ERO1B: variants seen among roughly 807,000 people sequenced by gnomAD.
ERO1B encodes ERO1-like protein beta.
In ERO1B, 49 loss-of-function variants were observed where a neutral mutation model predicts 75.3. The observed-to-expected ratio is 0.65, with a 90% CI of 0.52 to 0.83. The LOEUF is 0.83. Among genes scored for constraint, ERO1B ranks in the 40% least tolerant of loss-of-function variants. The probability of loss-of-function intolerance (pLI) is 0.00; values close to 1 mark genes in which losing one functional copy is unlikely to be tolerated. For missense variants in ERO1B, 512 were observed against 560.1 expected, an observed-to-expected ratio of 0.91 and a Z score of 0.87; for synonymous variants, 191 against 192.9, an observed-to-expected ratio of 0.99 and a Z score of 0.08.
At chr1:236,250,618 TCAA>T (rs1665001787) in intron 4 of ERO1B, among the ~76,000 whole-genome samples, 2 of 110,234 alleles carry the variant, frequency 1.8e-5, no homozygotes, top group Non-Finnish European at 3.8e-5. Flanking sequence ...TATATATATA[TCAA>T]ACGTGTGTGT....
Position 236,217,509 on chromosome 1 carries a change from G to T in ERO1B, c.*1007C>A, listed in dbSNP as rs1388559764. ...ATCCTGTCAGGGAAAAGCACACTGA[G>T]TTCGAGGATTGCATAGATTGTATTC... On this transcript the variant is annotated 3_prime_UTR_variant, in exon 16 of 16. Coordinates refer to ENST00000354619, the MANE Select transcript of ERO1B (RefSeq NM_019891.4). 6.6e-6 allele frequency: 1 copy of T among 152,476 alleles called. No individual in the cohort carries two copies. Among genetic ancestry groups the T allele is most frequent in the African/African-American group, 2.4e-5 (1 of 41,416 alleles). The allele number at this position is 152,476 out of a possible 1,614,324, so 9.4% of individuals were successfully genotyped here.
chr1:236,242,511 T>C (rs1664737041), intron 6 of ERO1B, among the ~76,000 whole-genome samples: 1 of 152,144 alleles, frequency 6.6e-6, no homozygotes, highest in South Asian at 2.1e-4. Flanking sequence ...CATCTCCCAG[T>C]ATTATTCTCA....
At chr1:236,256,579 C>T (rs1665166104) in intron 2 of ERO1B, among the ~76,000 whole-genome samples, 1 of 152,212 alleles carries the variant, frequency 6.6e-6, no homozygotes, top group Non-Finnish European at 1.5e-5. Context: ...ACTCCCTGTG[C>T]CTTTCTCCTG....
intron 1 of ERO1B, among the ~76,000 whole-genome samples, chr1:236,277,540 C>T (rs374578166): frequency 6.6e-6 from 1 of 151,962 alleles, no homozygotes; most frequent in African/African-American, 2.4e-5. Flanking sequence ...AGGAATGAGA[C>T]CTAACATACA....
intron 12 of ERO1B, among the ~76,000 whole-genome samples, chr1:236,225,607 G>A (rs562380549): frequency 1.3e-5 from 2 of 152,256 alleles, no homozygotes; most frequent in South Asian, 4.1e-4. Flanking sequence ...CCATCCCAAT[G>A]CAAACACATG....
rs1409580210 is a variant in ERO1B at position 236,215,960 on chromosome 1, A to G, written c.*2556T>C. 1 of 138,548 alleles carries G rather than the reference A, an allele frequency of 7.2e-6. No homozygotes were observed. The highest frequency in any genetic ancestry group is 1.5e-5 in the Non-Finnish European group (1 of 66,516). 8.6% of individuals were successfully genotyped at this position (138,548 alleles called of 1,614,324 possible). A position where few individuals can be genotyped will look rare whatever the true frequency, so the allele number is the denominator to read the frequency against. On this transcript the variant is annotated 3_prime_UTR_variant, in exon 16 of 16. Transcript: ENST00000354619. ...ATATCGAATAATTCACAATGTTAAA[A>G]ATGTCAAAATAAAACGTTTTGACTT...
intron 13 of ERO1B, among the ~76,000 whole-genome samples, chr1:236,223,786 C>T (rs1307677689): frequency 6.6e-6 from 1 of 152,136 alleles, no homozygotes; most frequent in Non-Finnish European, 1.5e-5. Context: ...ACTTAGAAAA[C>T]AGGAAGCATT....
intron 14 of ERO1B, chr1:236,221,660 A>G (rs1572028001): frequency 5.9e-6 from 2 of 338,156 alleles, no homozygotes; most frequent in East Asian, 6.5e-5. Context: ...ATGACCACCA[A>G]CTTCACAAAT....
At chr1:236,272,185 C>G (rs985103414) in intron 1 of ERO1B, among the ~76,000 whole-genome samples, 7 of 152,062 alleles carry the variant, frequency 4.6e-5, no homozygotes, top group African/African-American at 1.7e-4. Flanking sequence ...ATCATTTGAC[C>G]CTGCAATCCC....
intron 1 of ERO1B, among the ~76,000 whole-genome samples, chr1:236,276,921 C>T (rs191113086): frequency 4.6e-5 from 7 of 152,156 alleles, no homozygotes; most frequent in East Asian, 1.9e-4. Flanking sequence ...ATCATGGGGG[C>T]GGACTTCCCC....
At chr1:236,227,459 G>C (rs1664306711) in intron 10 of ERO1B, among the ~76,000 whole-genome samples, 1 of 152,140 alleles carries the variant, frequency 6.6e-6, no homozygotes, top group East Asian at 1.9e-4. Flanking sequence ...CATAATAGGA[G>C]TAATACACAT....
At chr1:236,280,761 T>G (rs1665813190) in intron 1 of ERO1B, among the ~76,000 whole-genome samples, 1 of 152,116 alleles carries the variant, frequency 6.6e-6, no homozygotes, top group South Asian at 2.1e-4. Context: ...TCAAATGACA[T>G]CTCCCCTCAT....
intron 1 of ERO1B, among the ~76,000 whole-genome samples, chr1:236,277,860 T>C (rs1295008211): frequency 6.6e-6 from 1 of 152,234 alleles, no homozygotes; most frequent in African/African-American, 2.4e-5. Flanking sequence ...GAACTTCTAA[T>C]TCATTATTAT....
chr1:236,235,664 C>T, intron 8 of ERO1B, 125 bp downstream of exon 8: 2 of 806,468 alleles, frequency 2.5e-6, no homozygotes, highest in East Asian at 2.7e-5. Context: ...ACTAATCTTA[C>T]ACTTTTTGTT....
At chr1:236,234,253 T>C (rs893332500) in intron 8 of ERO1B, among the ~76,000 whole-genome samples, 4 of 152,218 alleles carry the variant, frequency 2.6e-5, no homozygotes, top group African/African-American at 9.7e-5. Context: ...TTCTATGTAG[T>C]AGTTTCCTTT....
intron 2 of ERO1B, among the ~76,000 whole-genome samples, chr1:236,258,571 C>T (rs1160067473): frequency 6.6e-6 from 1 of 152,086 alleles, no homozygotes; most frequent in African/African-American, 2.4e-5. Context: ...AAGAAAAATG[C>T]TGCCAACTAG....
intron 15 of ERO1B, chr1:236,220,539 G>A (rs913509739): frequency 1.5e-5 from 3 of 196,564 alleles, no homozygotes; most frequent in Admixed American, 6.0e-5. Context: ...CCTTACTCCT[G>A]CTATTGTAGT....
At chr1:236,221,445 A>G (rs1175432096) in intron 14 of ERO1B, among the ~76,000 whole-genome samples, 1 of 152,224 alleles carries the variant, frequency 6.6e-6, no homozygotes, top group African/African-American at 2.4e-5. Context: ...TGTTAGAAAG[A>G]GATAAAATAT....
In ERO1B at chr1:236,245,576, A is replaced by T. The variant is rs1159459399; in HGVS notation, c.432-2081T>A. ...TGTGTATATATATATATATATATATATATATTTTTTTTTTTTTTTTTTTTT... is the reference window on the plus strand; with the variant it reads ...TGTGTATATATATATATATATATATTTATATTTTTTTTTTTTTTTTTTTTT... On this transcript the variant is annotated intron_variant, in intron 5 of 15. Transcript: ENST00000354619. 6.8e-3 allele frequency among the ~76,000 whole-genome samples: 25 copies of T among 3,662 alleles called. 4 individuals carry two copies. The highest frequency in any genetic ancestry group is 0.013 in the African/African-American group (23 of 1,780). 2.4% of individuals were successfully genotyped at this position (3,662 alleles called of 152,430 possible). A position where few individuals can be genotyped will look rare whatever the true frequency, so the allele number is the denominator to read the frequency against.
Sources: gnomAD v4.1 joint callset for allele counts (sites outside exome capture counted in the v4.1 genomes callset) on GRCh38, gnomAD v4.1.1 for gene constraint, MANE v1.5 for transcripts, NCBI Gene and HGNC (gene_info 2026-07-23, HGNC 2026-07-21) for gene names.